CACNB2: variants seen among roughly 807,000 people sequenced by gnomAD.
The protein encoded by CACNB2 is voltage-dependent L-type calcium channel subunit beta-2.
CACNB2 carries 42 observed loss-of-function variants against 73.3 expected under a neutral mutation model. The ratio of observed to expected loss-of-function variants is 0.57; its 90% CI spans 0.45 to 0.74. The LOEUF (loss-of-function observed/expected upper bound fraction) is 0.74, where lower values mean the gene tolerates loss of function less well. Ranked by LOEUF, CACNB2 falls within the 30% of genes least tolerant of loss-of-function variation. CACNB2 has a pLI of 0.00. For missense variants in CACNB2, 940 were observed against 853.0 expected (o/e 1.10, Z -1.27); for synonymous variants, 348 against 310.3 (o/e 1.12, Z -1.28).
intron 2 of CACNB2, among the ~76,000 whole-genome samples, chr10:18,198,334 G>C (rs187954857): frequency 5.3e-5 from 8 of 151,986 alleles, no homozygotes; most frequent in South Asian, 2.1e-4. Flanking sequence ...TATAGTAGTT[G>C]ATATATGTAA....
At chr10:18,362,198 A>G (rs1477451373) in intron 2 of CACNB2, among the ~76,000 whole-genome samples, 2 of 152,194 alleles carry the variant, frequency 1.3e-5, no homozygotes, top group Admixed American at 6.5e-5. Context: ...ATACATGCAT[A>G]CATCCTATTC....
chr10:18,526,216 G>A (rs2052456740), intron 9 of CACNB2, among the ~76,000 whole-genome samples: 1 of 152,154 alleles, frequency 6.6e-6, no homozygotes, highest in African/African-American at 2.4e-5. Flanking sequence ...AGATTCCCCA[G>A]AGAAGAATCT....
chr10:18,245,547 T>C (rs1388601052), intron 2 of CACNB2, among the ~76,000 whole-genome samples: 2 of 152,098 alleles, frequency 1.3e-5, no homozygotes, highest in Admixed American at 6.6e-5. Flanking sequence ...CCACAGCTGG[T>C]CTTAAACTCC....
At chr10:18,531,069 AT>A (rs2052975431) in intron 10 of CACNB2, among the ~76,000 whole-genome samples, 3 of 152,178 alleles carry the variant, frequency 2.0e-5, no homozygotes, top group South Asian at 2.1e-4. Flanking sequence ...TGAAAATGGC[AT>A]TGGAATTACA....
At position 18,534,149 on chromosome 10, in the gene CACNB2, T is replaced by A. The variant is rs1246778314; in HGVS notation, c.1128T>A (p.Asp376Glu). The A allele has an allele frequency of 6.2e-7, 1 of 1,613,814 alleles. No homozygotes were observed. The highest frequency in any genetic ancestry group is 8.5e-7 in the Non-Finnish European group (1 of 1,179,770). Reference protein sequence around the residue: ...RTLQLVVLDADTINHPAQLSK... With the variant: ...RTLQLVVLDAETINHPAQLSK... ...TGCAGTTGGTGGTCCTTGACGCGGA[T>A]ACAATTAATCATCCAGCTCAACTCA... Residue 376 changes from aspartate to glutamate, a missense_variant, in exon 11 of 14, where the codon GAT becomes GAA. Transcript: ENST00000324631.
chr10:18,463,864 C>T (rs2047720215), intron 3 of CACNB2, among the ~76,000 whole-genome samples: 1 of 152,130 alleles, frequency 6.6e-6, no homozygotes, highest in East Asian at 1.9e-4. Flanking sequence ...CCTCCCGCTC[C>T]ATGCAGCCTC....
chr10:18,457,040 C>T (rs906877621), intron 3 of CACNB2, among the ~76,000 whole-genome samples: 1 of 152,150 alleles, frequency 6.6e-6, no homozygotes, highest in African/African-American at 2.4e-5. Flanking sequence ...CTTTTGGCTA[C>T]TGTCAGTAAT....
intron 2 of CACNB2, among the ~76,000 whole-genome samples, chr10:18,167,227 T>C (rs116976610): frequency 0.044 from 6,739 of 152,172 alleles, 205 homozygotes; most frequent in Middle Eastern, 0.11. Context: ...TTCTCACTTA[T>C]AAGTGGGTGG....
chr10:18,250,825 A>G (rs906608338), intron 2 of CACNB2, among the ~76,000 whole-genome samples: 6 of 152,122 alleles, frequency 3.9e-5, no homozygotes, highest in Non-Finnish European at 8.8e-5. Context: ...ACTCCCTCCC[A>G]GGTCTGCTCT....
intron 3 of CACNB2, among the ~76,000 whole-genome samples, chr10:18,436,611 ATTTGTTTG>A (rs950129259): frequency 6.6e-6 from 1 of 152,138 alleles, no homozygotes; most frequent in East Asian, 1.9e-4. Context: ...TGCAAAGCAT[ATTTGTTTG>A]TTTGTTTGTT....
At chr10:18,193,963 A>G in intron 2 of CACNB2, among the ~76,000 whole-genome samples, 1 of 152,174 alleles carries the variant, frequency 6.6e-6, no homozygotes. Flanking sequence ...TGCTACAGAA[A>G]AAAATAAAAA....
intron 3 of CACNB2, among the ~76,000 whole-genome samples, chr10:18,406,530 C>T (rs569569138): frequency 2.0e-4 from 30 of 152,246 alleles, no homozygotes; most frequent in African/African-American, 6.3e-4. Flanking sequence ...TGCATGTGAG[C>T]GATCGAGGTT....
intron 2 of CACNB2, among the ~76,000 whole-genome samples, chr10:18,175,493 G>C (rs2033531926): frequency 6.6e-6 from 1 of 152,096 alleles, no homozygotes; most frequent in African/African-American, 2.4e-5. Context: ...AAGTTCACAG[G>C]CTCTTATTCA....
intron 3 of CACNB2, among the ~76,000 whole-genome samples, chr10:18,447,780 A>G (rs1280237170): frequency 2.6e-5 from 4 of 152,116 alleles, no homozygotes; most frequent in Admixed American, 6.5e-5. Flanking sequence ...TGTTAATGAT[A>G]TAAAATAAAG....
chr10:18,519,124 T>G (rs1335272241), intron 9 of CACNB2, among the ~76,000 whole-genome samples, 156 bp downstream of exon 9: 1 of 152,168 alleles, frequency 6.6e-6, no homozygotes, highest in Non-Finnish European at 1.5e-5. Flanking sequence ...TCAATCAATA[T>G]TTATCATATT....
chr10:18,397,233 G>A (rs184380926), intron 2 of CACNB2, among the ~76,000 whole-genome samples: 120 of 152,310 alleles, frequency 7.9e-4, no homozygotes, highest in African/African-American at 2.6e-3. Flanking sequence ...TTGGGAGGCC[G>A]AGGTGGGCAG....
intron 2 of CACNB2, among the ~76,000 whole-genome samples, chr10:18,254,881 G>A (rs530058066): frequency 6.6e-6 from 1 of 152,364 alleles, no homozygotes; most frequent in East Asian, 1.9e-4. Flanking sequence ...ACACGGGAAC[G>A]TGTATGTATT....
chr10:18,536,243 C>CTTTTATT, intron 12 of CACNB2, 47 bp downstream of exon 12: 1 of 280,940 alleles, frequency 3.6e-6, no homozygotes, highest in Non-Finnish European at 5.8e-6. Context: ...GAGATCAGAC[C>CTTTTATT]TTTTTTTTTT....
intron 2 of CACNB2, among the ~76,000 whole-genome samples, chr10:18,205,278 C>T (rs2035043118): frequency 6.6e-6 from 1 of 152,158 alleles, no homozygotes; most frequent in African/African-American, 2.4e-5. Flanking sequence ...CCTCAGTTTT[C>T]TCATCCGTAT....
Sources: gnomAD v4.1 joint callset for allele counts (sites outside exome capture counted in the v4.1 genomes callset) on GRCh38, gnomAD v4.1.1 for gene constraint, MANE v1.5 for transcripts, NCBI Gene and HGNC (gene_info 2026-07-23, HGNC 2026-07-21) for gene names.